Variants in GALNTL5 observed in about 807,000 individuals in gnomAD.
The protein encoded by GALNTL5 is polypeptide N-acetylgalactosaminyltransferase like 5, also known as inactive polypeptide N-acetylgalactosaminyltransferase-like protein 5.
GALNTL5 carries 44 observed loss-of-function variants against 51.0 expected under a neutral mutation model. The ratio of observed to expected loss-of-function variants is 0.86; its 90% CI spans 0.68 to 1.11. GALNTL5 has a LOEUF of 1.11. Ranked by LOEUF, GALNTL5 falls within the 50% of genes least tolerant of loss-of-function variation. The pLI is 0.00. For synonymous variants in GALNTL5, 192 were observed against 182.8 expected (o/e 1.05, Z -0.41); for missense variants, 528 against 531.8 (o/e 0.99, Z 0.07).
intron 5 of GALNTL5, among the ~76,000 whole-genome samples, chr7:152,000,392 A>G (rs532171655): frequency 7.5e-4 from 114 of 152,276 alleles, no homozygotes; most frequent in African/African-American, 2.7e-3. Context: ...CTGACCAGAG[A>G]CCACCAGGGA....
intron 6 of GALNTL5, among the ~76,000 whole-genome samples, chr7:152,007,165 T>C (rs1025392743): frequency 4.6e-5 from 7 of 152,128 alleles, no homozygotes; most frequent in African/African-American, 1.7e-4. Context: ...CAGAAGTAAA[T>C]ATTACAATTC....
rs764265882 is a variant in GALNTL5, at chr7:151,982,870, C to G, written c.369-116C>G. The G allele has an allele frequency of 1.9e-6, 3 of 1,587,608 alleles. No homozygotes were observed. In the Admixed American group the frequency reaches 5.2e-5, roughly 28 times the overall value. On this transcript the variant is annotated intron_variant, in intron 3 of 8. Coordinates refer to ENST00000392800, the MANE Select transcript of GALNTL5 (RefSeq NM_145292.4). ...ACTGTCACCTTATTACCATAATTAT[C>G]AGTTGAAGGAGTAAAGAGTCAAAAA...
intron 5 of GALNTL5, among the ~76,000 whole-genome samples, chr7:152,000,655 G>A (rs922174968): frequency 1.1e-4 from 17 of 152,172 alleles, no homozygotes; most frequent in African/African-American, 2.7e-4. Context: ...TTTTATTAAC[G>A]TTTTTCTGAT....
chr7:151,988,959 C>T (rs1349458915), intron 5 of GALNTL5, among the ~76,000 whole-genome samples: 2 of 151,928 alleles, frequency 1.3e-5, no homozygotes, highest in Non-Finnish European at 2.9e-5. Flanking sequence ...CTCGGCTTCC[C>T]ACAGTGCTGA....
intron 5 of GALNTL5, among the ~76,000 whole-genome samples, chr7:151,990,117 A>C (rs1251032218): frequency 1.3e-5 from 2 of 151,916 alleles, no homozygotes; most frequent in Admixed American, 6.6e-5. Context: ...ATCTCGGCTC[A>C]CTGCAACCTT....
intron 5 of GALNTL5, among the ~76,000 whole-genome samples, chr7:151,991,274 G>A (rs1172618883): frequency 6.6e-6 from 1 of 152,092 alleles, no homozygotes; most frequent in Non-Finnish European, 1.5e-5. Flanking sequence ...TGTATTTTTA[G>A]TAGAGACGGG....
At chr7:151,991,124 G>A (rs2081424360) in intron 5 of GALNTL5, among the ~76,000 whole-genome samples, 1 of 151,834 alleles carries the variant, frequency 6.6e-6, no homozygotes. Context: ...ATGGAGTCTC[G>A]CTCTGTCGCC....
chr7:152,014,920 C>A, intron 8 of GALNTL5, 127 bp downstream of exon 8: 2 of 815,428 alleles, frequency 2.5e-6, no homozygotes, highest in Admixed American at 3.1e-5. Context: ...AGCAAATTAA[C>A]ACAGGAACGG....
chr7:151,975,753 ATT>A (rs917071424), intron 3 of GALNTL5, among the ~76,000 whole-genome samples: 1 of 150,554 alleles, frequency 6.6e-6, no homozygotes, highest in East Asian at 2.0e-4. Context: ...ATGTTTTGGT[ATT>A]TTTTTTTATT....
At chr7:151,965,062 C>T (rs1193988903) in intron 1 of GALNTL5, among the ~76,000 whole-genome samples, 1 of 152,204 alleles carries the variant, frequency 6.6e-6, no homozygotes, top group Non-Finnish European at 1.5e-5. Flanking sequence ...AGAAACCACT[C>T]TGACTCCTGC....
At chr7:151,958,749 G>A (rs1387723807) in intron 1 of GALNTL5, among the ~76,000 whole-genome samples, 1 of 152,200 alleles carries the variant, frequency 6.6e-6, no homozygotes, top group Non-Finnish European at 1.5e-5. Flanking sequence ...CCATCATTCG[G>A]TGGGTCCCAG....
Position 152,019,922 on chromosome 7 carries a change from T to C in GALNTL5, c.*121T>C, listed in dbSNP as rs2081869770. 2 of 785,818 alleles carry C rather than the reference T, an allele frequency of 2.5e-6. No individual in the cohort carries two copies. Among genetic ancestry groups the C allele is most frequent in the Admixed American group, 3.0e-5 (1 of 33,546 alleles). The allele number at this position is 785,818 out of a possible 1,614,324, so 48.7% of individuals were successfully genotyped here. On this transcript the variant is annotated 3_prime_UTR_variant, in exon 9 of 9. Coordinates refer to ENST00000392800, the MANE Select transcript of GALNTL5 (RefSeq NM_145292.4). ...TACGTGAAATGCAATTAAAAAAATA[T>C]GACCAGACGTGAGTGCCTTTATTTT...
At chr7:151,960,470 G>A (rs1391147766) in intron 1 of GALNTL5, 2 of 152,232 alleles carry the variant, frequency 1.3e-5, no homozygotes, top group East Asian at 3.9e-4. Flanking sequence ...CATCATACTA[G>A]GTCAAGTTCC....
intron 8 of GALNTL5, among the ~76,000 whole-genome samples, chr7:152,015,348 C>A (rs2081794690): frequency 6.7e-6 from 1 of 150,048 alleles, no homozygotes; most frequent in Non-Finnish European, 1.5e-5. Context: ...TGCCCCGTCC[C>A]CATGTGCAAC....
rs570335243 is a variant in GALNTL5 at position 151,961,864 on chromosome 7, T to C, written c.-40+5255T>C. On this transcript the variant is annotated intron_variant, in intron 1 of 8. Coordinates refer to ENST00000392800, the MANE Select transcript of GALNTL5 (RefSeq NM_145292.4). ...TAAAAATATTTTTCAGTGTAATGCATACATATAAAAAATAAAATAAAAACA... is the reference window on the plus strand; with the variant it reads ...TAAAAATATTTTTCAGTGTAATGCACACATATAAAAAATAAAATAAAAACA... Among the ~76,000 whole-genome samples the C allele has an allele frequency of 1.2e-4, 18 of 152,274 alleles. No homozygotes were observed. The East Asian group carries it at 1.7e-3, about 15-fold the overall frequency.
At chr7:151,973,614 A>G (rs895487357) in intron 3 of GALNTL5, among the ~76,000 whole-genome samples, 3 of 152,242 alleles carry the variant, frequency 2.0e-5, no homozygotes, top group Non-Finnish European at 2.9e-5. Flanking sequence ...TGTATCTTGA[A>G]AATAACTAAC....
At chr7:151,974,462 C>T (rs1396928704) in intron 3 of GALNTL5, among the ~76,000 whole-genome samples, 1 of 152,158 alleles carries the variant, frequency 6.6e-6, no homozygotes, top group Non-Finnish European at 1.5e-5. Flanking sequence ...TTAAGGATAT[C>T]CATGAAACAG....
chr7:152,002,650 T>C, intron 5 of GALNTL5, 64 bp from the exon 6 acceptor site: 1 of 1,560,236 alleles, frequency 6.4e-7, no homozygotes, highest in South Asian at 1.1e-5. Context: ...CATTGAACTT[T>C]GATTTGGATT....
chr7:151,967,878 C>G (rs1244482339), intron 2 of GALNTL5, among the ~76,000 whole-genome samples: 1 of 152,104 alleles, frequency 6.6e-6, no homozygotes, highest in Non-Finnish European at 1.5e-5. Flanking sequence ...TATCCCTAAG[C>G]AAAATATTGT....
Sources: allele counts gnomAD v4.1 joint callset (sites outside exome capture counted in the v4.1 genomes callset), GRCh38; gene constraint gnomAD v4.1.1; transcripts MANE v1.5; gene names NCBI Gene and HGNC (gene_info 2026-07-23, HGNC 2026-07-21).